SLC5A11: variants seen among roughly 807,000 people sequenced by gnomAD.
SLC5A11 encodes sodium/myo-inositol cotransporter 2.
Under a neutral mutation model 69.8 loss-of-function variants are expected in SLC5A11, and 48 were observed. The observed-to-expected ratio is 0.69, with a 90% CI of 0.55 to 0.87. The LOEUF is 0.87. Ranked by LOEUF, SLC5A11 falls within the 40% of genes least tolerant of loss-of-function variation. The probability of loss-of-function intolerance (pLI) is 0.00; values close to 1 mark genes in which losing one functional copy is unlikely to be tolerated. For missense variants in SLC5A11, 784 were observed against 866.1 expected, an observed-to-expected ratio of 0.91 and a Z score of 1.19; for synonymous variants, 319 against 342.4, an observed-to-expected ratio of 0.93 and a Z score of 0.75.
chr16:24,895,518 A>G (rs997342992), intron 9 of SLC5A11, among the ~76,000 whole-genome samples: 3 of 148,604 alleles, frequency 2.0e-5, no homozygotes, highest in African/African-American at 4.9e-5. Flanking sequence ...AAGAAAAAAA[A>G]GTAGGAAAGG....
intron 5 of SLC5A11, among the ~76,000 whole-genome samples, chr16:24,874,689 G>A (rs1043153658): frequency 3.3e-5 from 5 of 151,864 alleles, no homozygotes; most frequent in Admixed American, 6.6e-5. Flanking sequence ...GCCTCACTCC[G>A]TCCCCCACCA....
chr16:24,910,536 T>TTC (rs2050442665), intron 15 of SLC5A11, 59 bp downstream of exon 16: 6 of 1,522,976 alleles, frequency 3.9e-6, no homozygotes, highest in Non-Finnish European at 5.3e-6. Flanking sequence ...GGGATTGATT[T>TTC]TTTTTTTTTT....
intron 9 of SLC5A11, among the ~76,000 whole-genome samples, chr16:24,896,736 G>C (rs2049192166): frequency 6.6e-6 from 1 of 152,054 alleles, no homozygotes; most frequent in African/African-American, 2.4e-5. Context: ...GAAGTGGGGA[G>C]GTAGTATTTG....
At chr16:24,883,935 C>T (rs2048214234) in intron 7 of SLC5A11, 116 bp from the exon 9 acceptor site, 1 of 849,516 alleles carries the variant, frequency 1.2e-6, no homozygotes. Flanking sequence ...TCTTTGCAAT[C>T]AGTCAGCACT....
intron 5 of SLC5A11, among the ~76,000 whole-genome samples, chr16:24,874,644 C>T (rs911989591): frequency 2.6e-5 from 4 of 152,090 alleles, no homozygotes; most frequent in Non-Finnish European, 5.9e-5. Flanking sequence ...CTGCAACCTC[C>T]GCCTACCTGG....
At chr16:24,886,597 TG>T (rs201797751) in intron 8 of SLC5A11, among the ~76,000 whole-genome samples, 2 of 149,606 alleles carry the variant, frequency 1.3e-5, no homozygotes, top group Admixed American at 1.3e-4. Context: ...TAGCTAGGTG[TG>T]AAGGGTTTGC....
At chr16:24,847,546 G>A (rs931640362) in intron 1 of SLC5A11, among the ~76,000 whole-genome samples, 1 of 151,826 alleles carries the variant, frequency 6.6e-6, no homozygotes, top group Non-Finnish European at 1.5e-5. Flanking sequence ...TGTACAAATG[G>A]GGTCTCCCTG....
In SLC5A11 at chr16:24,869,734, A is replaced by G. The variant is rs980246549; in HGVS notation, c.208-167A>G. 3.9e-5 allele frequency among the ~76,000 whole-genome samples: 6 copies of G among 152,304 alleles called. 1 individual carries two copies. Among genetic ancestry groups the G allele is most frequent in the Admixed American group, 1.3e-4 (2 of 15,292 alleles). Reference sequence around the variant, plus strand: ...CTCTGACCAAGTAAGAGTCTTGGGGAAGAAGAATCTCATTCTAATGTAAAC... The same window carrying G: ...CTCTGACCAAGTAAGAGTCTTGGGGGAGAAGAATCTCATTCTAATGTAAAC... On this transcript the variant is annotated intron_variant, in intron 3 of 15. Coordinates refer to ENST00000347898, the Ensembl canonical transcript of SLC5A11.
chr16:24,902,218 G>C (rs2049683472), intron 10 of SLC5A11, among the ~76,000 whole-genome samples: 1 of 152,116 alleles, frequency 6.6e-6, no homozygotes, highest in Non-Finnish European at 1.5e-5. Flanking sequence ...TTCTGACAAG[G>C]TTTCCCGGGA....
intron 13 of SLC5A11, 131 bp downstream of exon 14, chr16:24,908,262 T>A: frequency 6.8e-6 from 7 of 1,028,102 alleles, no homozygotes; most frequent in Non-Finnish European, 9.8e-6. Context: ...GTGAGTTCCA[T>A]TGGTGGAAGA....
intron 9 of SLC5A11, among the ~76,000 whole-genome samples, chr16:24,892,364 G>A (rs576543591): frequency 6.6e-6 from 1 of 151,196 alleles, no homozygotes; most frequent in Non-Finnish European, 1.5e-5. Context: ...CCCAGAGCGA[G>A]GCAGATACAT....
intron 7 of SLC5A11, among the ~76,000 whole-genome samples, chr16:24,882,376 G>T (rs1204408545): frequency 6.6e-6 from 1 of 152,282 alleles, no homozygotes; most frequent in Non-Finnish European, 1.5e-5. Flanking sequence ...AGGGAACTGA[G>T]GCCAGAATCA....
intron 6 of SLC5A11, among the ~76,000 whole-genome samples, chr16:24,876,519 C>T (rs866525298): frequency 2.0e-5 from 3 of 152,228 alleles, no homozygotes; most frequent in African/African-American, 7.2e-5. Flanking sequence ...TCAGCAGAAG[C>T]TGTCTTCGCT....
intron 6 of SLC5A11, among the ~76,000 whole-genome samples, chr16:24,876,048 T>C (rs1404178363): frequency 1.3e-5 from 2 of 151,846 alleles, no homozygotes; most frequent in Non-Finnish European, 2.9e-5. Flanking sequence ...ATACGAAAAT[T>C]AGCCAGGCGT....
Position 24,910,480 on chromosome 16 carries a change from G to C in SLC5A11, c.1822+3G>C. The C allele has an allele frequency of 6.2e-7, 1 of 1,613,748 alleles. No homozygotes were observed. The highest frequency in any genetic ancestry group is 8.5e-7 in the Non-Finnish European group (1 of 1,179,908). On this transcript the variant is annotated splice_donor_region_variant and intron_variant, in intron 15 of 15. Transcript: ENST00000347898. ...AAACACGTCTAAAACCCACAGCTGT[G>C]AGTAGCTTCTCTCCTCAGTTACAGC... is the stretch of plus-strand genomic sequence containing the variant.
intron 9 of SLC5A11, among the ~76,000 whole-genome samples, chr16:24,897,015 C>T (rs1346702912): frequency 8.2e-5 from 11 of 133,972 alleles, no homozygotes; most frequent in East Asian, 6.7e-4. Flanking sequence ...TGCAGTGGTG[C>T]GATCTTGGCT....
rs778570615 is a variant in SLC5A11 at position 24,897,955 on chromosome 16, C to A, written c.871-19C>A. 1.2e-5 allele frequency: 20 copies of A among 1,612,260 alleles called. 1 individual carries two copies. The South Asian group carries it at 1.9e-4, about 15-fold the overall frequency. ...CTATATCAGCATTCCCAGTTTCCAA[C>A]CCCCTTGATCTTTTCCAGGTGATTG... On this transcript the variant is annotated intron_variant, in intron 9 of 15. Coordinates refer to ENST00000347898, the Ensembl canonical transcript of SLC5A11.
At chr16:24,869,786 C>A in intron 3 of SLC5A11, 115 bp from the exon 5 acceptor site, 1 of 688,472 alleles carries the variant, frequency 1.5e-6, no homozygotes, top group Non-Finnish European at 2.5e-6. Flanking sequence ...CTAGGGGTGG[C>A]CCTGCCTTCC....
intron 5 of SLC5A11, among the ~76,000 whole-genome samples, chr16:24,875,087 C>T (rs1185753433): frequency 6.6e-6 from 1 of 152,054 alleles, no homozygotes; most frequent in Non-Finnish European, 1.5e-5. Context: ...AGTCCTCCCA[C>T]CTTGGCCTCC....
Sources: allele counts gnomAD v4.1 joint callset (sites outside exome capture counted in the v4.1 genomes callset), GRCh38; gene constraint gnomAD v4.1.1; transcripts MANE v1.5; gene names NCBI Gene and HGNC (gene_info 2026-07-23, HGNC 2026-07-21).